Variants in MRPL34 observed in about 807,000 individuals in gnomAD.
MRPL34 encodes mitochondrial ribosomal protein L34.
Under a neutral mutation model 6.7 loss-of-function variants are expected in MRPL34, and 8 were observed. That is an observed-to-expected ratio of 1.20 (90% CI 0.70 to 2.16). MRPL34 has a LOEUF of 2.16. MRPL34 is among the 30% of genes most tolerant of loss of function. The pLI is 0.00. For missense variants in MRPL34, 146 were observed against 125.5 expected (o/e 1.16, Z -0.78); for synonymous variants, 59 against 55.1 (o/e 1.07, Z -0.31).
chr19:17,298,911 T>C (rs887724250), upstream of MRPL34, among the ~76,000 whole-genome samples: 2 of 152,064 alleles, frequency 1.3e-5, no homozygotes, highest in African/African-American at 4.8e-5. Flanking sequence ...TGGTTAATTT[T>C]TTGTACTTTT....
intron 1 of MRPL34, chr19:17,294,503 C>T (rs1013484743): frequency 7.4e-6 from 12 of 1,613,776 alleles, no homozygotes; most frequent in Non-Finnish European, 1.0e-5. Flanking sequence ...GCGAAGCCGG[C>T]CCTGGTGGTG....
chr19:17,293,503 G>A (rs1311434555), intron 1 of MRPL34, among the ~76,000 whole-genome samples: 1 of 151,448 alleles, frequency 6.6e-6, no homozygotes, highest in Non-Finnish European at 1.5e-5. Flanking sequence ...TGGGGTGGGG[G>A]CTGCTATCCT....
chr19:17,294,786 A>G (rs745884795), intron 1 of MRPL34: 2 of 1,614,132 alleles, frequency 1.2e-6, no homozygotes, highest in East Asian at 2.2e-5. Flanking sequence ...GCCATTGATC[A>G]TGATCACCTT....
chr19:17,301,680 G>A (rs764220135), upstream of MRPL34: 538 of 1,460,454 alleles, frequency 3.7e-4, no homozygotes, highest in Non-Finnish European at 4.6e-4. Context: ...ACCCTGCACC[G>A]TGCAGCAGGC....
Position 17,306,270 on chromosome 19 carries a change from A to G in MRPL34, c.170A>G (p.Asn57Ser). The change falls in exon 2 of 2, where the codon AAC becomes AGC. Residue 57 changes from asparagine (N) to serine (S), a missense_variant. By Grantham distance (46) the Asn-to-Ser change is conservative. Coordinates refer to ENST00000252602, the MANE Select transcript of MRPL34 (RefSeq NM_023937.4). ...CGCGGGAATGAGTATCAGCCGAGCAACATCAAACGCAAGAACAAGCACGGC... is the reference window on the plus strand; with the variant it reads ...CGCGGGAATGAGTATCAGCCGAGCAGCATCAAACGCAAGAACAAGCACGGC... ...KARGNEYQPS[N>S]IKRKNKHGWV... The G allele has an allele frequency of 1.2e-6, 2 of 1,606,580 alleles. No homozygotes were observed. Among genetic ancestry groups the G allele is most frequent in the Non-Finnish European group, 8.5e-7 (1 of 1,177,408 alleles).
At chr19:17,300,815 C>A, upstream of MRPL34, 2 of 1,546,666 alleles carry the variant, frequency 1.3e-6, no homozygotes, top group Non-Finnish European at 1.7e-6. Flanking sequence ...CCCTGCTGAC[C>A]CCATCCCTCA....
At chr19:17,301,221 G>A (rs1014000322), upstream of MRPL34, 19 of 1,594,262 alleles carry the variant, frequency 1.2e-5, no homozygotes, top group Non-Finnish European at 1.6e-5. Context: ...CGCTGCCGGG[G>A]GCCAAGCGGC....
intron 1 of MRPL34, chr19:17,294,370 G>C (rs1175184306): frequency 1.2e-6 from 2 of 1,613,742 alleles, no homozygotes; most frequent in Admixed American, 3.3e-5. Flanking sequence ...GGTGAGCTCG[G>C]CGTGGTAGAC....
upstream of MRPL34, chr19:17,301,399 G>T: frequency 6.2e-7 from 1 of 1,611,970 alleles, no homozygotes. Context: ...GACCAAGCCG[G>T]AGAGGTCCCC....
chr19:17,303,977 T>G (rs34139410), upstream of MRPL34, among the ~76,000 whole-genome samples: 52,044 of 151,158 alleles, frequency 0.34, 9,476 homozygotes, highest in South Asian at 0.42. Context: ...CCCCTTTTCT[T>G]TTGGTAGGGA....
Position 17,305,937 on chromosome 19 carries a change from G to T in MRPL34, c.45G>T (p.Ser15=). ...AGSLLGPTSR[S]AALLGGRWLQ... Reference sequence around the variant, plus strand: ...CCCTGTTGGGCCCCACGAGTAGGTCGGCAGCGTTGCTGGGTGGCAGGTAAG... The same window carrying T: ...CCCTGTTGGGCCCCACGAGTAGGTCTGCAGCGTTGCTGGGTGGCAGGTAAG... Residue 15 remains serine, a synonymous_variant, in exon 1 of 2, where the codon TCG becomes TCT. Transcript: ENST00000252602. 8 of 1,614,164 alleles carry T rather than the reference G, an allele frequency of 5.0e-6. No homozygotes were observed. The highest frequency in any genetic ancestry group is 6.8e-6 in the Non-Finnish European group (8 of 1,180,030).
chr19:17,299,405 CA>C (rs1211271054), upstream of MRPL34, among the ~76,000 whole-genome samples: 1 of 151,556 alleles, frequency 6.6e-6, no homozygotes, highest in Non-Finnish European at 1.5e-5. Flanking sequence ...ACTAAAAAGA[CA>C]AAAAATTAGC....
chr19:17,294,392 C>T, intron 1 of MRPL34: 2 of 1,614,034 alleles, frequency 1.2e-6, no homozygotes, highest in Non-Finnish European at 8.5e-7. Flanking sequence ...TCGTCGCCCT[C>T]GGGCCAGTAC....
At chr19:17,299,241 C>CCCA (rs1555720800), upstream of MRPL34, among the ~76,000 whole-genome samples, 4 of 128,308 alleles carry the variant, frequency 3.1e-5, no homozygotes, top group African/African-American at 7.8e-5. Flanking sequence ...GAGACCCCCC[C>CCCA]CCCATTCTCT....
upstream of MRPL34, chr19:17,302,793 C>G (rs1186237440): frequency 1.3e-5 from 2 of 152,600 alleles, no homozygotes; most frequent in East Asian, 1.9e-4. Context: ...ACCCCCGCCC[C>G]CGTGTCCATG....
upstream of MRPL34, among the ~76,000 whole-genome samples, chr19:17,299,959 G>A (rs35061212): frequency 0.25 from 37,852 of 149,680 alleles, 5,082 homozygotes; most frequent in South Asian, 0.38. Context: ...GAGTGCAGTG[G>A]CACAATATGA....
chr19:17,294,942 T>C (rs1225619144), intron 1 of MRPL34: 1 of 1,430,154 alleles, frequency 7.0e-7, no homozygotes, highest in African/African-American at 1.4e-5. Flanking sequence ...TTGTTTTTGT[T>C]TGAGACAGTT....
chr19:17,305,699 C>G, upstream of MRPL34: 1 of 655,214 alleles, frequency 1.5e-6, no homozygotes, highest in South Asian at 1.7e-5. Flanking sequence ...TGCAGAGCAT[C>G]CCTGTGCCCC....
intron 1 of MRPL34, chr19:17,294,335 T>G (rs771183001): frequency 1.4e-5 from 22 of 1,612,108 alleles, no homozygotes; most frequent in Non-Finnish European, 1.2e-5. Context: ...TTATCGTGCA[T>G]GCCGTGGACA....
Sources: allele counts gnomAD v4.1 joint callset (sites outside exome capture counted in the v4.1 genomes callset), GRCh38; gene constraint gnomAD v4.1.1; transcripts MANE v1.5; gene names NCBI Gene and HGNC (gene_info 2026-07-23, HGNC 2026-07-21).